Variants in NBEA observed in about 807,000 individuals in gnomAD.
NBEA encodes lysosomal-trafficking regulator 2.
In NBEA, 44 loss-of-function variants were observed where a neutral mutation model predicts 343.4. The ratio of observed to expected loss-of-function variants is 0.13; its 90% CI spans 0.10 to 0.16. The LOEUF is 0.16. Among genes scored for constraint, NBEA ranks in the 10% least tolerant of loss-of-function variants. NBEA has a pLI of 1.00. For missense variants in NBEA, 2,555 were observed against 3,631.3 expected (o/e 0.70, Z 7.62); for synonymous variants, 1,175 against 1,238.7 (o/e 0.95, Z 1.08).
At chr13:35,079,380 A>T (rs550518939) in intron 10 of NBEA, among the ~76,000 whole-genome samples, 133 of 152,350 alleles carry the variant, frequency 8.7e-4, no homozygotes, top group Non-Finnish European at 1.4e-3. Flanking sequence ...ATGGGAATAG[A>T]ACCATAAAGC....
intron 38 of NBEA, among the ~76,000 whole-genome samples, chr13:35,368,076 G>A (rs976839251): frequency 1.3e-5 from 2 of 151,496 alleles, no homozygotes; most frequent in South Asian, 2.1e-4. Context: ...GCACTTAAGC[G>A]AAGAGGATTT....
chr13:35,242,260 C>T (rs968481621), intron 34 of NBEA, among the ~76,000 whole-genome samples: 1 of 151,658 alleles, frequency 6.6e-6, no homozygotes, highest in African/African-American at 2.4e-5. Flanking sequence ...CTGAAAACCA[C>T]AAAGGAATTA....
At chr13:35,301,729 G>C (rs2036562020) in intron 35 of NBEA, among the ~76,000 whole-genome samples, 1 of 152,084 alleles carries the variant, frequency 6.6e-6, no homozygotes, top group Non-Finnish European at 1.5e-5. Context: ...GGGTCAAATG[G>C]TATTTCTGGT....
rs201708053 is a variant in NBEA, at chr13:35,159,720, T to C, written c.3549T>C (p.Asp1183=). The change falls in exon 22 of 59, where the codon GAT becomes GAC. Residue 1183 remains aspartate, a synonymous_variant. Coordinates refer to ENST00000379939, the MANE Select transcript of NBEA (RefSeq NM_001385012.1). ...AAGTACATCTTGGTGTTAGTGATGA[T>C]CTTGGATTGCTTGCTCACATGACCG... ...DTQVHLGVSD[D]LGLLAHMTGS... is the part of the protein sequence containing the mutation. The C allele has an allele frequency of 1.2e-6, 2 of 1,613,304 alleles. No homozygotes were observed. The highest frequency in any genetic ancestry group is 2.7e-5 in the African/African-American group (2 of 75,016).
At chr13:35,503,111 TATCA>T (rs1223686786) in intron 41 of NBEA, among the ~76,000 whole-genome samples, 1 of 152,030 alleles carries the variant, frequency 6.6e-6, no homozygotes, top group African/African-American at 2.4e-5. Flanking sequence ...TAATGACCTT[TATCA>T]ATCAGTCTTT....
At chr13:35,026,526 C>T (rs1419253218) in intron 1 of NBEA, among the ~76,000 whole-genome samples, 2 of 152,126 alleles carry the variant, frequency 1.3e-5, no homozygotes, top group African/African-American at 4.8e-5. Flanking sequence ...TTGCAAATCT[C>T]ATCTTTTCAT....
intron 34 of NBEA, among the ~76,000 whole-genome samples, chr13:35,237,800 C>A (rs2075303734): frequency 6.6e-6 from 1 of 152,074 alleles, no homozygotes; most frequent in Non-Finnish European, 1.5e-5. Flanking sequence ...TTCCATTTTT[C>A]TTAAGGCACA....
intron 32 of NBEA, 27 bp from the exon 33 acceptor site, chr13:35,211,026 G>A (rs1297437495): frequency 1.8e-5 from 27 of 1,542,006 alleles, no homozygotes; most frequent in Non-Finnish European, 1.4e-5. Context: ...TTATGTTTAA[G>A]GCTAAAAATT....
chr13:35,167,457 A>G (rs1300900827), intron 24 of NBEA, among the ~76,000 whole-genome samples: 1 of 149,450 alleles, frequency 6.7e-6, no homozygotes, highest in Non-Finnish European at 1.5e-5. Flanking sequence ...GAACATATAT[A>G]TATTGTTTAT....
chr13:35,182,672 CCTT>C (rs2071398630), intron 29 of NBEA, 144 bp downstream of exon 29: 1 of 749,810 alleles, frequency 1.3e-6, no homozygotes, highest in Non-Finnish European at 2.1e-6. Context: ...ATTTAGTATT[CCTT>C]AATTCAACAA....
At chr13:35,185,827 A>G (rs1212383397) in intron 30 of NBEA, 1 of 152,164 alleles carries the variant, frequency 6.6e-6, no homozygotes, top group East Asian at 1.9e-4. Context: ...GCAGATTATC[A>G]TAACTGTTAT....
chr13:35,513,177 C>T (rs1314081847), intron 41 of NBEA, among the ~76,000 whole-genome samples: 1 of 150,490 alleles, frequency 6.6e-6, no homozygotes, highest in Non-Finnish European at 1.5e-5. Context: ...TGCTCTGTCA[C>T]CCAGGCTGGA....
At chr13:35,086,262 G>A (rs983166983) in intron 10 of NBEA, among the ~76,000 whole-genome samples, 6 of 151,966 alleles carry the variant, frequency 3.9e-5, no homozygotes, top group African/African-American at 1.2e-4. Flanking sequence ...AAAAGAGCCC[G>A]CATTGCCAAG....
chr13:35,269,365 AT>A (rs1356812016), intron 34 of NBEA, among the ~76,000 whole-genome samples: 1 of 152,194 alleles, frequency 6.6e-6, no homozygotes, highest in Non-Finnish European at 1.5e-5. Context: ...CTTATGACAT[AT>A]TTGACAGTAA....
rs2069433844 is a variant in NBEA at position 35,159,834 on chromosome 13, T to C, written c.3663T>C (p.Ser1221=). ...HTTSDGMSSI[S]ERDLASSTKG... ...CTTCAGATGGAATGAGCAGTATTTC[T>C]GAAAGAGACTTAGCGTCATCAACTA... Residue 1221 remains serine (S), a synonymous_variant, in exon 22 of 59, where the codon TCT becomes TCC. Transcript: ENST00000379939. 1.2e-6 allele frequency: 2 copies of C among 1,609,334 alleles called. No homozygotes were observed. Among genetic ancestry groups the C allele is most frequent in the Non-Finnish European group, 1.7e-6 (2 of 1,177,560 alleles).
intron 46 of NBEA, among the ~76,000 whole-genome samples, chr13:35,591,511 T>A (rs1050736888): frequency 2.0e-5 from 3 of 152,140 alleles, no homozygotes; most frequent in Non-Finnish European, 4.4e-5. Context: ...TGGATGCATA[T>A]CTGATTTTCA....
rs2076987500 is a variant in NBEA at position 35,504,173 on chromosome 13, A to G, written c.6585+31637A>G. Among the ~76,000 whole-genome samples the G allele has an allele frequency of 1.3e-5, 2 of 152,184 alleles. 1 individual carries two copies. The highest frequency in any genetic ancestry group is 2.9e-5 in the Non-Finnish European group (2 of 68,030). ...AGGAAACATTTTGGATTTTAAAACC[A>G]GAATGTGGAGTATCCCTTTGTAGAA... On this transcript the variant is annotated intron_variant, in intron 41 of 58. Coordinates refer to ENST00000379939, the MANE Select transcript of NBEA (RefSeq NM_001385012.1).
intron 1 of NBEA, among the ~76,000 whole-genome samples, chr13:35,003,312 G>A (rs565616324): frequency 6.6e-6 from 1 of 152,242 alleles, no homozygotes; most frequent in African/African-American, 2.4e-5. Context: ...ATGCGGTGCA[G>A]CAAGCCATGA....
At chr13:34,974,516 G>C (rs1030513857) in intron 1 of NBEA, among the ~76,000 whole-genome samples, 1 of 152,172 alleles carries the variant, frequency 6.6e-6, no homozygotes, top group Admixed American at 6.5e-5. Flanking sequence ...CTGGCAGTGG[G>C]CCAGAACTGA....
Sources: allele counts gnomAD v4.1 joint callset (sites outside exome capture counted in the v4.1 genomes callset), GRCh38; gene constraint gnomAD v4.1.1; transcripts MANE v1.5; gene names NCBI Gene and HGNC (gene_info 2026-07-23, HGNC 2026-07-21).